Variants in STPG2 observed in about 807,000 individuals in gnomAD.
STPG2 encodes the protein sperm-tail PG-rich repeat-containing protein 2.
STPG2 carries 56 observed loss-of-function variants against 54.2 expected under a neutral mutation model. The ratio of observed to expected loss-of-function variants is 1.03; its 90% confidence interval spans 0.83 to 1.29. The LOEUF (loss-of-function observed/expected upper bound fraction) is 1.29. Ranked by LOEUF, STPG2 falls within the 50% of genes most tolerant of loss-of-function variation. STPG2 has a pLI of 0.00. For missense variants in STPG2, 596 were observed against 544.9 expected (o/e 1.09, Z -0.93); for synonymous variants, 200 against 181.8 (o/e 1.10, Z -0.81).
intron 4 of STPG2, among the ~76,000 whole-genome samples, chr4:97,529,501 T>A (rs904399338): frequency 2.0e-5 from 3 of 152,088 alleles, no homozygotes; most frequent in African/African-American, 7.2e-5. Flanking sequence ...CATCATAAAG[T>A]GAGTTAGGGA....
intron 5 of STPG2, among the ~76,000 whole-genome samples, chr4:98,051,954 G>A (rs1023127808): frequency 3.3e-5 from 5 of 151,946 alleles, no homozygotes; most frequent in East Asian, 1.9e-4. Flanking sequence ...AGGTGTGGTG[G>A]TGCAAGCCTA....
chr4:98,101,865 T>TCCCCCCCCCCC (rs34686297), intron 5 of STPG2, among the ~76,000 whole-genome samples: 4 of 145,834 alleles, frequency 2.7e-5, no homozygotes, highest in Non-Finnish European at 4.5e-5. Context: ...TTCATTATCT[T>TCCCCCCCCCCC]CCCCCTCCCC....
At chr4:97,753,526 G>A (rs1238198195) in intron 9 of STPG2, among the ~76,000 whole-genome samples, 1 of 151,908 alleles carries the variant, frequency 6.6e-6, no homozygotes, top group Non-Finnish European at 1.5e-5. Context: ...TATGAACATT[G>A]GTATACAAAT....
At chr4:97,942,742 A>C (rs1262778927) in intron 8 of STPG2, among the ~76,000 whole-genome samples, 1 of 152,180 alleles carries the variant, frequency 6.6e-6, no homozygotes, top group Non-Finnish European at 1.5e-5. Context: ...CAAAAATATT[A>C]CAAATCAACT....
At chr4:97,888,692 G>T (rs76950344) in intron 8 of STPG2, among the ~76,000 whole-genome samples, 4,256 of 152,196 alleles carry the variant, frequency 0.028, 187 homozygotes, top group African/African-American at 0.095. Flanking sequence ...TTGGGAAACT[G>T]TTAAGAAGAG....
chr4:97,859,273 G>T (rs935143493), intron 8 of STPG2, among the ~76,000 whole-genome samples: 2 of 151,932 alleles, frequency 1.3e-5, no homozygotes, highest in Non-Finnish European at 2.9e-5. Flanking sequence ...TGATTTGTTT[G>T]AGTTACCTGT....
At chr4:97,826,655 A>G (rs1451748741) in intron 9 of STPG2, among the ~76,000 whole-genome samples, 1 of 152,242 alleles carries the variant, frequency 6.6e-6, no homozygotes, top group Non-Finnish European at 1.5e-5. Flanking sequence ...CACTAACACA[A>G]AAGTGAAATT....
At chr4:97,870,820 G>A (rs1162041406) in intron 8 of STPG2, among the ~76,000 whole-genome samples, 1 of 151,032 alleles carries the variant, frequency 6.6e-6, no homozygotes, top group Admixed American at 6.6e-5. Context: ...TAAATCTTAA[G>A]GATATATGTT....
At chr4:98,018,866 T>A (rs1231138964) in intron 5 of STPG2, among the ~76,000 whole-genome samples, 3 of 151,698 alleles carry the variant, frequency 2.0e-5, no homozygotes, top group Non-Finnish European at 4.4e-5. Context: ...GATGGGGTTG[T>A]TTGTTTTTTT....
chr4:97,623,657 G>A (rs1734069571), intron 10 of STPG2, among the ~76,000 whole-genome samples: 1 of 152,060 alleles, frequency 6.6e-6, no homozygotes, highest in Non-Finnish European at 1.5e-5. Flanking sequence ...TAAGTTGCAG[G>A]ATACATGTGC....
intron 7 of STPG2, among the ~76,000 whole-genome samples, chr4:97,959,876 A>G (rs1480413343): frequency 2.0e-5 from 3 of 151,948 alleles, no homozygotes; most frequent in Non-Finnish European, 4.4e-5. Context: ...ATACCAAAAC[A>G]TGGAAAGGAC....
chr4:97,858,278 G>A (rs1015227552), intron 8 of STPG2, among the ~76,000 whole-genome samples: 3 of 151,880 alleles, frequency 2.0e-5, no homozygotes, highest in Non-Finnish European at 4.4e-5. Flanking sequence ...CAAGGATCAA[G>A]AAAGAACCCT....
At chr4:97,564,628 G>A (rs1029430475) in intron 10 of STPG2, among the ~76,000 whole-genome samples, 6 of 152,146 alleles carry the variant, frequency 3.9e-5, no homozygotes, top group African/African-American at 9.7e-5. Context: ...GGGCAGGCCT[G>A]GTGGTGACAA....
rs988284553 is a variant in STPG2 at position 97,537,089 on chromosome 4, T to G, written c.462+175610A>C. 5.3e-5 allele frequency among the ~76,000 whole-genome samples: 8 copies of G among 152,236 alleles called. 1 individual carries two copies. The highest frequency in any genetic ancestry group is 5.2e-4 in the Admixed American group (8 of 15,298). Reference sequence around the variant, plus strand: ...CAGTTCCAAGATGGCCAAATAGGAATAGCTCCAGTCTACAGCTCCCAGTGT... The same window carrying G: ...CAGTTCCAAGATGGCCAAATAGGAAGAGCTCCAGTCTACAGCTCCCAGTGT... On this transcript the variant is annotated intron_variant, in intron 4 of 4. Coordinates refer to the STPG2 transcript ENST00000522676.
intron 10 of STPG2, among the ~76,000 whole-genome samples, chr4:97,649,722 T>A (rs1162563603): frequency 6.6e-6 from 1 of 152,074 alleles, no homozygotes; most frequent in African/African-American, 2.4e-5. Context: ...ACAGACCAGT[T>A]CAATTGTATC....
intron 5 of STPG2, among the ~76,000 whole-genome samples, chr4:98,026,509 T>C (rs1009227523): frequency 6.6e-6 from 1 of 152,184 alleles, no homozygotes; most frequent in Non-Finnish European, 1.5e-5. Flanking sequence ...GGGGTTTCAC[T>C]TCCTAATTCT....
intron 9 of STPG2, among the ~76,000 whole-genome samples, chr4:97,830,403 C>A (rs1459409693): frequency 2.0e-5 from 3 of 152,068 alleles, no homozygotes; most frequent in Non-Finnish European, 4.4e-5. Flanking sequence ...ACAATCAGTA[C>A]CAACCACTGC....
intron 8 of STPG2, among the ~76,000 whole-genome samples, chr4:97,853,399 A>C (rs1370500316): frequency 9.9e-5 from 15 of 152,258 alleles, no homozygotes. Context: ...CACATTCTGC[A>C]CATGTATCCC....
At chr4:97,451,951 G>T (rs1288660380) in intron 4 of STPG2, among the ~76,000 whole-genome samples, 1 of 152,094 alleles carries the variant, frequency 6.6e-6, no homozygotes, top group African/African-American at 2.4e-5. Context: ...CACCAGGGAG[G>T]TGCAGCCAGG....
Sources: gnomAD v4.1 joint callset for allele counts (sites outside exome capture counted in the v4.1 genomes callset) on GRCh38, gnomAD v4.1.1 for gene constraint, MANE v1.5 for transcripts, NCBI Gene and HGNC (gene_info 2026-07-23, HGNC 2026-07-21) for gene names.